CAPRIN2: variants seen among roughly 807,000 people sequenced by gnomAD.
The protein encoded by CAPRIN2 is caprin family member 2.
A neutral mutation model predicts 130.4 loss-of-function variants in CAPRIN2; 66 were observed. The ratio of observed to expected loss-of-function variants is 0.51; its 90% CI spans 0.42 to 0.62. CAPRIN2 has a LOEUF of 0.62. Ranked by LOEUF, CAPRIN2 falls within the 20% of genes least tolerant of loss-of-function variation. CAPRIN2 has a pLI of 0.00. For missense variants in CAPRIN2, 1,185 were observed against 1,246.6 expected (o/e 0.95, Z 0.74); for synonymous variants, 471 against 444.1 (o/e 1.06, Z -0.76).
At chr12:30,751,826 A>G (rs978821393) in intron 1 of CAPRIN2, among the ~76,000 whole-genome samples, 2 of 151,724 alleles carry the variant, frequency 1.3e-5, no homozygotes, top group Non-Finnish European at 2.9e-5. Context: ...GTTATTTTTC[A>G]TATTATATTT....
At chr12:30,730,194 A>G (rs1188040808) in intron 7 of CAPRIN2, 45 bp downstream of exon 8, 1 of 1,518,830 alleles carries the variant, frequency 6.6e-7, no homozygotes, top group Non-Finnish European at 9.1e-7. Flanking sequence ...CCCTATGCAA[A>G]AGGCTGAAAA....
chr12:30,712,165 C>A (rs1005579642), intron 15 of CAPRIN2, among the ~76,000 whole-genome samples: 3 of 151,926 alleles, frequency 2.0e-5, no homozygotes, highest in East Asian at 1.9e-4. Flanking sequence ...GTTCCAGGGG[C>A]AGTACTTCAA....
At chr12:30,726,158 T>C in intron 8 of CAPRIN2, 70 bp from the exon 10 acceptor site, 1 of 1,235,226 alleles carries the variant, frequency 8.1e-7, no homozygotes, top group Non-Finnish European at 1.1e-6. Context: ...AAACAGTTTA[T>C]CACTACATCT....
At chr12:30,754,919 A>C (rs1169701571), upstream of CAPRIN2, 1 of 152,078 alleles carries the variant, frequency 6.6e-6, no homozygotes, top group East Asian at 2.0e-4. Flanking sequence ...CTGCGGCGCC[A>C]GAGACCCAGC....
chr12:30,753,083 C>G (rs1223427772), intron 1 of CAPRIN2, among the ~76,000 whole-genome samples: 1 of 152,248 alleles, frequency 6.6e-6, no homozygotes, highest in East Asian at 1.9e-4. Context: ...AGGAATTAAT[C>G]TCACCTAAAA....
At chr12:30,725,763 GA>G (rs908172125) in intron 9 of CAPRIN2, among the ~76,000 whole-genome samples, 50 of 152,156 alleles carry the variant, frequency 3.3e-4, no homozygotes, top group African/African-American at 1.2e-3. Flanking sequence ...AACAAACTTA[GA>G]AAGTAGGAAC....
intron 16 of CAPRIN2, among the ~76,000 whole-genome samples, chr12:30,711,365 T>C (rs1270357939): frequency 1.3e-5 from 2 of 152,200 alleles, no homozygotes; most frequent in Admixed American, 6.5e-5. Flanking sequence ...ACCCTTTTAA[T>C]TCAATTTGCA....
chr12:30,732,487 C>T (rs1198178475), intron 5 of CAPRIN2, among the ~76,000 whole-genome samples: 1 of 151,876 alleles, frequency 6.6e-6, no homozygotes, highest in Non-Finnish European at 1.5e-5. Context: ...TGTGTTACCA[C>T]CAGAACCATG....
intron 3 of CAPRIN2, 102 bp from the exon 5 acceptor site, chr12:30,735,308 T>TA: frequency 1.2e-6 from 1 of 860,834 alleles, no homozygotes; most frequent in Middle Eastern, 2.3e-4. Flanking sequence ...GATTAGATGA[T>TA]AAATCTCATG....
intron 2 of CAPRIN2, among the ~76,000 whole-genome samples, chr12:30,742,804 G>C (rs1404197630): frequency 6.6e-6 from 1 of 152,110 alleles, no homozygotes; most frequent in East Asian, 1.9e-4. Context: ...TTTGAGTTGA[G>C]AGTTGGGATC....
intron 3 of CAPRIN2, among the ~76,000 whole-genome samples, chr12:30,738,711 G>A (rs2065973447): frequency 6.6e-6 from 1 of 151,980 alleles, no homozygotes; most frequent in South Asian, 2.1e-4. Context: ...AAATTTACAA[G>A]AAAAATAAAC....
At chr12:30,733,552 G>T in intron 5 of CAPRIN2, 77 bp downstream of exon 6, 1 of 924,676 alleles carries the variant, frequency 1.1e-6, no homozygotes, top group Non-Finnish European at 1.8e-6. Context: ...ACACAGTTTA[G>T]ACCCTCAATA....
intron 16 of CAPRIN2, among the ~76,000 whole-genome samples, chr12:30,711,217 G>C (rs1025400235): frequency 2.6e-5 from 4 of 152,146 alleles, no homozygotes; most frequent in Non-Finnish European, 2.9e-5. Flanking sequence ...TATTAATGCA[G>C]TGACACTACA....
chr12:30,723,098 A>C (rs1018684439), intron 11 of CAPRIN2, among the ~76,000 whole-genome samples, 161 bp downstream of exon 12: 2 of 152,206 alleles, frequency 1.3e-5, no homozygotes, highest in African/African-American at 4.8e-5. Flanking sequence ...TCGGGGAATC[A>C]TTTTAGGACA....
rs111560567 is a variant in CAPRIN2, at chr12:30,737,742, C to T, written c.571-2536G>A. On this transcript the variant is annotated intron_variant, in intron 3 of 16. Transcript: ENST00000298892. ...CCTCCCGAGTAGCTGGGACTACAGGCACCCGCCACCACGCCCGGCTAATTT... is the reference window on the plus strand; with the variant it reads ...CCTCCCGAGTAGCTGGGACTACAGGTACCCGCCACCACGCCCGGCTAATTT... 2.1e-3 allele frequency among the ~76,000 whole-genome samples: 326 copies of T among 151,940 alleles called. 2 individuals are homozygous for T. Among genetic ancestry groups the T allele is most frequent in the African/African-American group, 6.4e-3 (266 of 41,428 alleles).
intron 12 of CAPRIN2, among the ~76,000 whole-genome samples, chr12:30,717,784 G>T (rs754236416): frequency 6.6e-6 from 1 of 151,948 alleles, no homozygotes; most frequent in Non-Finnish European, 1.5e-5. Flanking sequence ...TCTTTACCAC[G>T]TGGCAAGCAA....
chr12:30,724,576 T>G, intron 9 of CAPRIN2, 125 bp from the exon 11 acceptor site: 1 of 640,616 alleles, frequency 1.6e-6, no homozygotes, highest in Non-Finnish European at 2.8e-6. Context: ...GCTAAAGCTA[T>G]AGGTATCTAG....
intron 2 of CAPRIN2, among the ~76,000 whole-genome samples, chr12:30,745,377 A>G (rs1376261690): frequency 6.6e-6 from 1 of 152,204 alleles, no homozygotes; most frequent in Non-Finnish European, 1.5e-5. Flanking sequence ...GTGACTCCAC[A>G]AACAACTTCA....
Position 30,753,624 on chromosome 12 carries a change from GGA to G in CAPRIN2, c.138_139del (p.Pro48ThrfsTer71). ...AACAGATGAGGCTGAAGGAGGTGGG[GGA>G]AAGTTAAGTATAAAATTAGGACTAG... On this transcript the variant is annotated frameshift_variant, in exon 1 of 17. Coordinates refer to ENST00000298892, the Ensembl canonical transcript of CAPRIN2. LOFTEE classifies it high-confidence loss of function. The G allele has an allele frequency of 6.2e-7, 1 of 1,614,124 alleles. No individual in the cohort carries two copies. The highest frequency in any genetic ancestry group is 8.5e-7 in the Non-Finnish European group (1 of 1,180,028).
Sources: allele counts gnomAD v4.1 joint callset (sites outside exome capture counted in the v4.1 genomes callset), GRCh38; gene constraint gnomAD v4.1.1; transcripts MANE v1.5; gene names NCBI Gene and HGNC (gene_info 2026-07-23, HGNC 2026-07-21).